Variants in CDK14 observed in about 807,000 individuals in gnomAD.
The protein encoded by CDK14 is cyclin-dependent kinase 14.
In CDK14, 34 loss-of-function variants were observed where a neutral mutation model predicts 60.7. The ratio of observed to expected loss-of-function variants is 0.56; its 90% CI spans 0.43 to 0.75. The LOEUF (loss-of-function observed/expected upper bound fraction) is 0.75. CDK14 is among the 30% of genes least tolerant of loss of function. CDK14 has a pLI of 0.00. For missense variants in CDK14, 482 were observed against 564.1 expected (o/e 0.85, Z 1.47); for synonymous variants, 197 against 203.7 (o/e 0.97, Z 0.28).
intron 5 of CDK14, among the ~76,000 whole-genome samples, chr7:90,823,577 A>C (rs1562787278): frequency 6.6e-6 from 1 of 152,308 alleles, no homozygotes; most frequent in East Asian, 1.9e-4. Context: ...GGAAAGGTGC[A>C]GGAACAGAAA....
At chr7:90,946,501 A>G (rs1794104121) in intron 8 of CDK14, among the ~76,000 whole-genome samples, 1 of 152,228 alleles carries the variant, frequency 6.6e-6, no homozygotes, top group Admixed American at 6.5e-5. Context: ...ATAAAATGTA[A>G]AAGTATTACA....
chr7:91,180,238 G>A (rs1011135797), intron 14 of CDK14, among the ~76,000 whole-genome samples: 3 of 152,090 alleles, frequency 2.0e-5, no homozygotes, highest in Admixed American at 1.3e-4. Flanking sequence ...GCTTTGCTAG[G>A]GATACAAAAT....
chr7:90,740,958 A>T (rs957073511), intron 3 of CDK14, among the ~76,000 whole-genome samples: 2 of 152,132 alleles, frequency 1.3e-5, no homozygotes, highest in African/African-American at 4.8e-5. Context: ...ATTAGAGTAA[A>T]TGATGCCGAC....
At chr7:91,076,090 A>G (rs1164509936) in intron 11 of CDK14, among the ~76,000 whole-genome samples, 1 of 151,854 alleles carries the variant, frequency 6.6e-6, no homozygotes, top group Non-Finnish European at 1.5e-5. Flanking sequence ...GCTATCATTG[A>G]CATTCCTCAC....
intron 12 of CDK14, among the ~76,000 whole-genome samples, chr7:91,088,795 A>C (rs999314075): frequency 6.6e-6 from 1 of 152,202 alleles, no homozygotes; most frequent in Non-Finnish European, 1.5e-5. Flanking sequence ...AAATTATTCA[A>C]ATCTCCCCAT....
chr7:90,920,527 A>C (rs934431278), intron 8 of CDK14, among the ~76,000 whole-genome samples: 22 of 152,214 alleles, frequency 1.4e-4, no homozygotes, highest in African/African-American at 5.3e-4. Context: ...GAGGGTTAGA[A>C]TCTTGCCCAG....
chr7:91,204,435 G>T (rs967356113), intron 14 of CDK14, among the ~76,000 whole-genome samples: 1 of 152,058 alleles, frequency 6.6e-6, no homozygotes, highest in African/African-American at 2.4e-5. Context: ...ATTGCACTTT[G>T]CCAAAATTAA....
chr7:91,082,270 C>G (rs1798503231), intron 12 of CDK14, among the ~76,000 whole-genome samples: 1 of 152,176 alleles, frequency 6.6e-6, no homozygotes, highest in African/African-American at 2.4e-5. Context: ...AACTTTTAAA[C>G]AGCTGAATGA....
At chr7:91,093,959 C>A (rs1798905865) in intron 12 of CDK14, among the ~76,000 whole-genome samples, 1 of 152,052 alleles carries the variant, frequency 6.6e-6, no homozygotes, top group Admixed American at 6.6e-5. Context: ...TCGCTTGTAA[C>A]TGGGAGCTAA....
intron 5 of CDK14, among the ~76,000 whole-genome samples, chr7:90,813,217 C>T (rs1789207963): frequency 6.6e-6 from 1 of 152,138 alleles, no homozygotes; most frequent in South Asian, 2.1e-4. Flanking sequence ...GGCTGGAGTG[C>T]AGTGGCACAA....
At chr7:90,759,054 T>TTAAA (rs1554330865) in intron 4 of CDK14, among the ~76,000 whole-genome samples, 2 of 134,722 alleles carry the variant, frequency 1.5e-5, no homozygotes, top group East Asian at 4.2e-4. Context: ...AGACTCTGTC[T>TTAAA]AAAAAAAAAA....
chr7:90,791,088 TG>T (rs1423661637), intron 5 of CDK14, among the ~76,000 whole-genome samples: 1 of 152,238 alleles, frequency 6.6e-6, no homozygotes, highest in Non-Finnish European at 1.5e-5. Context: ...GTACTTTTAC[TG>T]GTTTTTCTGA....
chr7:91,031,829 C>T (rs753680646), intron 10 of CDK14, among the ~76,000 whole-genome samples: 4 of 152,180 alleles, frequency 2.6e-5, no homozygotes, highest in Non-Finnish European at 5.9e-5. Flanking sequence ...GGGAATGTCG[C>T]TCCTTGACTT....
At chr7:91,080,179 T>C (rs1315058032) in intron 12 of CDK14, among the ~76,000 whole-genome samples, 2 of 152,234 alleles carry the variant, frequency 1.3e-5, no homozygotes, top group Non-Finnish European at 2.9e-5. Flanking sequence ...ACTGGTTTGA[T>C]TAAATAAACT....
At chr7:90,918,413 A>C (rs1270241601) in intron 8 of CDK14, among the ~76,000 whole-genome samples, 1 of 152,212 alleles carries the variant, frequency 6.6e-6, no homozygotes, top group Non-Finnish European at 1.5e-5. Flanking sequence ...CCAGCATAGA[A>C]GCTTTCCTCC....
chr7:90,860,371 A>G (rs1790966161), intron 5 of CDK14, among the ~76,000 whole-genome samples: 1 of 151,962 alleles, frequency 6.6e-6, no homozygotes, highest in African/African-American at 2.4e-5. Flanking sequence ...ATTTTTCACA[A>G]TTATTATAAG....
chr7:90,785,152 A>G (rs1805524386), intron 4 of CDK14, among the ~76,000 whole-genome samples: 1 of 152,214 alleles, frequency 6.6e-6, no homozygotes, highest in Admixed American at 6.5e-5. Context: ...AGAGAAGCAG[A>G]ATATATTAAA....
chr7:90,900,607 T>C (rs1792476786), intron 7 of CDK14, among the ~76,000 whole-genome samples: 1 of 152,180 alleles, frequency 6.6e-6, no homozygotes, highest in Non-Finnish European at 1.5e-5. Flanking sequence ...GTACAATACA[T>C]CTTCATTCTT....
chr7:90,813,464 C>G (rs1427580803), intron 5 of CDK14, among the ~76,000 whole-genome samples: 1 of 152,154 alleles, frequency 6.6e-6, no homozygotes, highest in African/African-American at 2.4e-5. Flanking sequence ...AATGACTGAT[C>G]TGGCTGGGCG....
Sources: gnomAD v4.1 joint callset for allele counts (sites outside exome capture counted in the v4.1 genomes callset) on GRCh38, gnomAD v4.1.1 for gene constraint, MANE v1.5 for transcripts, NCBI Gene and HGNC (gene_info 2026-07-23, HGNC 2026-07-21) for gene names.